The following SH3KBP1 variants were observed in gnomAD, a reference collection of about 807,000 sequenced individuals.
SH3KBP1 encodes the protein SH3 domain-containing kinase-binding protein 1.
SH3KBP1 carries 8 observed loss-of-function variants against 50.1 expected under a neutral mutation model. That is an observed-to-expected ratio of 0.16 (90% CI 0.09 to 0.29). The LOEUF is 0.29. SH3KBP1 is among the 10% of genes least tolerant of loss of function. SH3KBP1 has a pLI of 1.00. For synonymous variants in SH3KBP1, 227 were observed against 218.6 expected, an observed-to-expected ratio of 1.04 and a Z score of -0.34; for missense variants, 377 against 535.2, an observed-to-expected ratio of 0.70 and a Z score of 2.92.
At chrX:19,836,863 G>A (rs1486955689) in intron 1 of SH3KBP1, among the ~76,000 whole-genome samples, 1 of 111,703 alleles carries the variant, frequency 9.0e-6, no homozygotes, top group East Asian at 2.8e-4. Context: ...CTTTTCTTGT[G>A]ATAGTGAGTG....
chrX:19,800,292 A>T (rs1457631482), intron 2 of SH3KBP1, among the ~76,000 whole-genome samples: 1 of 112,460 alleles, frequency 8.9e-6, no homozygotes, highest in East Asian at 2.8e-4. Context: ...ATTACATATA[A>T]GTAATAAAGT....
chrX:19,774,438 G>T (rs1349465523), intron 2 of SH3KBP1, among the ~76,000 whole-genome samples: 1 of 110,249 alleles, frequency 9.1e-6, no homozygotes, highest in African/African-American at 3.3e-5. Context: ...TTGGGAGGCT[G>T]AGGCGGGCGG....
intron 12 of SH3KBP1, among the ~76,000 whole-genome samples, chrX:19,580,360 CACAAG>C (rs60005107): frequency 0.022 from 2,469 of 111,749 alleles, 69 homozygotes; most frequent in African/African-American, 0.076. Context: ...GCCAATTTCT[CACAAG>C]ACAAGTCTAC....
At chrX:19,720,334 C>CAA (rs758350164) in intron 3 of SH3KBP1, among the ~76,000 whole-genome samples, 1 of 110,861 alleles carries the variant, frequency 9.0e-6, no homozygotes, top group African/African-American at 3.3e-5. Flanking sequence ...CTTGACTTTC[C>CAA]CCCAGCCCTG....
intron 7 of SH3KBP1, among the ~76,000 whole-genome samples, chrX:19,634,507 C>T (rs369022612): frequency 3.3e-4 from 37 of 111,467 alleles, no homozygotes; most frequent in Admixed American, 1.1e-3. Flanking sequence ...GATCCTGGTG[C>T]CAGGGCTTGC....
intron 16 of SH3KBP1, 88 bp from the exon 17 acceptor site, chrX:19,537,868 A>G (rs2064766091): frequency 1.4e-5 from 10 of 730,749 alleles, no homozygotes. Flanking sequence ...TACAAAATCC[A>G]TCTGATCCTT....
At chrX:19,762,589 C>A (rs369565800) in intron 2 of SH3KBP1, among the ~76,000 whole-genome samples, 8 of 111,423 alleles carry the variant, frequency 7.2e-5, no homozygotes, top group Non-Finnish European at 7.5e-5. Context: ...CCAAGCCCTA[C>A]CTGCCAAATT....
intron 8 of SH3KBP1, among the ~76,000 whole-genome samples, chrX:19,610,424 C>T (rs1356457438): frequency 4.5e-5 from 5 of 111,628 alleles, no homozygotes; most frequent in Non-Finnish European, 7.5e-5. Context: ...TTCTTTGACC[C>T]TAACTCTTGG....
intron 2 of SH3KBP1, among the ~76,000 whole-genome samples, chrX:19,790,668 G>A (rs1405536778): frequency 9.0e-6 from 1 of 111,050 alleles, no homozygotes; most frequent in Non-Finnish European, 1.9e-5. Context: ...TGGAGTGGGA[G>A]AAGATGGGGA....
chrX:19,674,852 G>A (rs2062888365), intron 6 of SH3KBP1, among the ~76,000 whole-genome samples: 3 of 111,492 alleles, frequency 2.7e-5, no homozygotes. Flanking sequence ...GCTGAGGGAG[G>A]TGGATCACCG....
chrX:19,563,727 C>A (rs943550205), intron 13 of SH3KBP1, among the ~76,000 whole-genome samples: 2 of 112,252 alleles, frequency 1.8e-5, no homozygotes, highest in Non-Finnish European at 3.8e-5. Flanking sequence ...CATATGCAGA[C>A]TTGACTGTAG....
At chrX:19,759,893 T>C (rs1029793074) in intron 2 of SH3KBP1, among the ~76,000 whole-genome samples, 18 of 110,955 alleles carry the variant, frequency 1.6e-4, no homozygotes, top group Admixed American at 1.3e-3. Flanking sequence ...CATTCTTACA[T>C]TGCTTAAAAC....
At chrX:19,677,049 G>A (rs1435449135) in intron 6 of SH3KBP1, among the ~76,000 whole-genome samples, 4 of 111,766 alleles carry the variant, frequency 3.6e-5, no homozygotes, top group African/African-American at 1.3e-4. Flanking sequence ...TTCCAGTAAG[G>A]CAAAAAAGAC....
chrX:19,583,452 GC>G (rs1001818474), intron 12 of SH3KBP1, among the ~76,000 whole-genome samples: 1 of 111,478 alleles, frequency 9.0e-6, no homozygotes, highest in African/African-American at 3.3e-5. Flanking sequence ...AGCGTGCCCA[GC>G]CCACCATTGA....
intron 13 of SH3KBP1, among the ~76,000 whole-genome samples, chrX:19,565,853 G>A (rs1485621700): frequency 9.0e-6 from 1 of 110,931 alleles, no homozygotes; most frequent in Non-Finnish European, 1.9e-5. Flanking sequence ...TTAAAATGGT[G>A]TACAACAATA....
intron 3 of SH3KBP1, among the ~76,000 whole-genome samples, chrX:19,731,990 T>C (rs1299128930): frequency 8.9e-6 from 1 of 112,242 alleles, no homozygotes; most frequent in Admixed American, 9.4e-5. Context: ...CTTTTTTCAT[T>C]TAATATACTG....
At chrX:19,549,840 A>G in intron 14 of SH3KBP1, 134 bp downstream of exon 14, 3 of 465,746 alleles carry the variant, frequency 6.4e-6, no homozygotes, top group Non-Finnish European at 1.1e-5. Flanking sequence ...TTGGCAGTGT[A>G]TCTCATGGCC....
chrX:19,548,103 G>A (rs1037887362), intron 14 of SH3KBP1, among the ~76,000 whole-genome samples: 1 of 112,312 alleles, frequency 8.9e-6, no homozygotes, highest in Non-Finnish European at 1.9e-5. Flanking sequence ...GCACAGTGCC[G>A]AGCCCATAGG....
At chrX:19,829,307 T>C (rs1382163138) in intron 2 of SH3KBP1, among the ~76,000 whole-genome samples, 1 of 112,099 alleles carries the variant, frequency 8.9e-6, no homozygotes, top group African/African-American at 3.2e-5. Context: ...AGAACATATA[T>C]TGTATGACTC....
Sources: gnomAD v4.1 joint callset for allele counts (sites outside exome capture counted in the v4.1 genomes callset) on GRCh38, gnomAD v4.1.1 for gene constraint, MANE v1.5 for transcripts, NCBI Gene and HGNC (gene_info 2026-07-23, HGNC 2026-07-21) for gene names.